The following KIR2DL4 variants were observed in gnomAD, a reference collection of about 807,000 sequenced individuals.
The protein encoded by KIR2DL4 is killer cell immunoglobulin like receptor, two Ig domains and long cytoplasmic tail 4.
A neutral mutation model predicts 31.0 loss-of-function variants in KIR2DL4; 41 were observed. That is an observed-to-expected ratio of 1.32 (90% CI 1.03 to 1.72). The LOEUF (loss-of-function observed/expected upper bound fraction) is 1.72. Among genes scored for constraint, KIR2DL4 ranks in the 40% most tolerant of loss-of-function variants. The pLI is 0.00. For missense variants in KIR2DL4, 438 were observed against 353.7 expected, an observed-to-expected ratio of 1.24 and a Z score of -1.91; for synonymous variants, 164 against 133.6, an observed-to-expected ratio of 1.23 and a Z score of -1.57.
chr19:54,806,244 G>C (rs2060522757), exon 4 of KIR2DL4: 11 of 1,609,132 alleles, frequency 6.8e-6, no homozygotes, highest in Non-Finnish European at 9.3e-6. Context: ...TTCTGTCACA[G>C]GTGAGGAAAG....
At chr19:54,813,508 G>T (rs1490892849) in intron 6 of KIR2DL4, among the ~76,000 whole-genome samples, 182 bp from the exon 6 acceptor site, 5 of 150,980 alleles carry the variant, frequency 3.3e-5, no homozygotes, top group Non-Finnish European at 4.4e-5. Flanking sequence ...AATGGGATGG[G>T]AACTGACAGC....
intron 4 of KIR2DL4, 126 bp downstream of exon 4, chr19:54,806,370 G>T (rs1401900521): frequency 9.0e-7 from 1 of 1,114,216 alleles, no homozygotes; most frequent in African/African-American, 1.6e-5. Context: ...GTGAGGGTGG[G>T]ATCAGGGCAC....
chr19:54,812,217 G>A (rs1400459807), intron 5 of KIR2DL4, among the ~76,000 whole-genome samples: 2 of 151,226 alleles, frequency 1.3e-5, no homozygotes, highest in African/African-American at 4.9e-5. Context: ...ACATAGGCAG[G>A]TTCATTACTT....
At chr19:54,813,850 T>G (rs746849293) in exon 8 of KIR2DL4, 1 of 1,612,324 alleles carries the variant, frequency 6.2e-7, no homozygotes, top group Admixed American at 1.7e-5. Context: ...AGGACTCTGA[T>G]GAACAAGACC....
chr19:54,813,644 C>A, intron 6 of KIR2DL4, 46 bp from the exon 6 acceptor site: 1 of 1,586,798 alleles, frequency 6.3e-7, no homozygotes, highest in African/African-American at 1.4e-5. Flanking sequence ...AAATGAGGAC[C>A]CAGAAGTGCC....
exon 3 of KIR2DL4, chr19:54,805,000 A>G: frequency 2.5e-6 from 4 of 1,611,788 alleles, no homozygotes; most frequent in Non-Finnish European, 3.4e-6. Context: ...GCAGGGACCT[A>G]CAGATGTCGA....
chr19:54,805,656 G>A (rs2060470029), intron 3 of KIR2DL4, among the ~76,000 whole-genome samples: 1 of 151,012 alleles, frequency 6.6e-6, no homozygotes, highest in South Asian at 2.1e-4. Flanking sequence ...CGCCATGTTT[G>A]TGATAATTTT....
exon 1 of KIR2DL4, chr19:54,803,618 C>T (rs759040438): frequency 8.7e-6 from 14 of 1,611,976 alleles, no homozygotes; most frequent in South Asian, 1.1e-5. Context: ...TCAGTCGAGC[C>T]GAGTCACTGC....
rs112006653 is a variant in KIR2DL4 at position 54,809,643 on chromosome 19, G to A, written c.706+760G>A. 7.6e-3 allele frequency among the ~76,000 whole-genome samples: 1,154 copies of A among 151,128 alleles called. 29 individuals are homozygous for A. Among genetic ancestry groups the A allele is most frequent in the African/African-American group, 0.018 (738 of 40,942 alleles). Reference sequence around the variant, plus strand: ...CCACATTCCTTGGCTCCTGGTCCCCGTCTTCCTCCCTCAAAGTCCACAAAG... The same window carrying A: ...CCACATTCCTTGGCTCCTGGTCCCCATCTTCCTCCCTCAAAGTCCACAAAG... On this transcript the variant is annotated intron_variant, in intron 5 of 7. Coordinates refer to ENST00000359085, the Ensembl canonical transcript of KIR2DL4.
chr19:54,813,250 C>A, intron 6 of KIR2DL4: 1 of 1,595,674 alleles, frequency 6.3e-7, no homozygotes, highest in Non-Finnish European at 8.5e-7. Flanking sequence ...GAAGCAGAGG[C>A]CAGAGAACTC....
At chr19:54,805,630 G>A (rs2060467904) in intron 3 of KIR2DL4, among the ~76,000 whole-genome samples, 1 of 149,830 alleles carries the variant, frequency 6.7e-6, no homozygotes, top group Non-Finnish European at 1.5e-5. Flanking sequence ...GAAGGGGTCA[G>A]TGTGTTCTCT....
At position 54,807,627 on chromosome 19, in the gene KIR2DL4, G is replaced by A. The variant is rs373346026; in HGVS notation, c.656-1206G>A. The stretch of plus-strand genomic sequence containing the variant: ...TGATTTTTGTATTTTTAGTAGAGAC[G>A]GGGTTTCACCATGTTAGCCAGGCTG... On this transcript the variant is annotated intron_variant, in intron 4 of 7. Coordinates refer to ENST00000359085, the Ensembl canonical transcript of KIR2DL4. Among the ~76,000 whole-genome samples, 10 of 149,092 alleles carry A rather than the reference G, an allele frequency of 6.7e-5. 1 individual carries two copies. In the East Asian group the frequency reaches 7.8e-4, roughly 12 times the overall value.
At chr19:54,812,891 G>A (rs1284166603) in intron 5 of KIR2DL4, among the ~76,000 whole-genome samples, 3 of 144,398 alleles carry the variant, frequency 2.1e-5, no homozygotes, top group Admixed American at 6.9e-5. Context: ...AAATTTCAAA[G>A]TGGGGTTTGG....
chr19:54,805,365 T>C (rs621169), intron 3 of KIR2DL4, among the ~76,000 whole-genome samples: 48,995 of 150,506 alleles, frequency 0.33, 8,655 homozygotes, highest in South Asian at 0.39. Flanking sequence ...TGGCCTGGAC[T>C]CTCCCACTGG....
chr19:54,814,389 T>A (rs2061090001), exon 8 of KIR2DL4: 1 of 467,940 alleles, frequency 2.1e-6, no homozygotes, highest in Non-Finnish European at 3.8e-6. Flanking sequence ...CACGTGCTGT[T>A]CCACCTTCCC....
Position 54,814,206 on chromosome 19 carries a change from G to T in KIR2DL4, c.*406G>T, listed in dbSNP as rs1394718666. 14 of 1,392,564 alleles carry T rather than the reference G, an allele frequency of 1.0e-5. 1 individual carries two copies. Among genetic ancestry groups the T allele is most frequent in the Middle Eastern group, 2.2e-4 (1 of 4,532 alleles). The allele number at this position is 1,392,564 out of a possible 1,614,324, so 86.3% of individuals were successfully genotyped here. ...CCAATGTCTAAGGTCCCCACTGCCT[G>T]CTGCAGAGAAAACACACTCCTTTGC... On this transcript the variant is annotated 3_prime_UTR_variant, in exon 8 of 8. Transcript: ENST00000359085.
chr19:54,805,463 A>G (rs1272417498), intron 3 of KIR2DL4, among the ~76,000 whole-genome samples: 1 of 150,808 alleles, frequency 6.6e-6, no homozygotes, highest in Non-Finnish European at 1.5e-5. Flanking sequence ...TCCACCAGCC[A>G]CTGTGGGCTT....
intron 4 of KIR2DL4, among the ~76,000 whole-genome samples, chr19:54,808,618 A>G (rs1425816245): frequency 6.7e-6 from 1 of 150,326 alleles, no homozygotes; most frequent in Non-Finnish European, 1.5e-5. Context: ...ACATATTTTT[A>G]AGTCAGGTAG....
In KIR2DL4 at chr19:54,806,261, T is replaced by A; in HGVS notation, c.655+17T>A. ...CTGTCACAGGTGAGGAAAGCCAATG[T>A]CTGTCCCATGTCCTATGGTCCTAGA... On this transcript the variant is annotated intron_variant, in intron 4 of 7. Transcript: ENST00000359085. The A allele has an allele frequency of 6.2e-7, 1 of 1,604,786 alleles. No homozygotes were observed. The highest frequency in any genetic ancestry group is 1.1e-5 in the South Asian group (1 of 90,202).
Sources: gnomAD v4.1 joint callset for allele counts (sites outside exome capture counted in the v4.1 genomes callset) on GRCh38, gnomAD v4.1.1 for gene constraint, MANE v1.5 for transcripts, NCBI Gene and HGNC (gene_info 2026-07-23, HGNC 2026-07-21) for gene names.